BLMH: variants seen among roughly 807,000 people sequenced by gnomAD.
BLMH encodes the protein BLM hydrolase.
BLMH carries 32 observed loss-of-function variants against 61.6 expected under a neutral mutation model. The ratio of observed to expected loss-of-function variants is 0.52; its 90% CI spans 0.39 to 0.70. BLMH has a LOEUF of 0.70. Ranked by LOEUF, BLMH falls within the 30% of genes least tolerant of loss-of-function variation. The probability of loss-of-function intolerance (pLI) is 0.00; values close to 1 mark genes in which losing one functional copy is unlikely to be tolerated. For synonymous variants in BLMH, 183 were observed against 193.8 expected (o/e 0.94, Z 0.46); for missense variants, 460 against 555.5 (o/e 0.83, Z 1.73).
At chr17:30,286,749 T>C (rs1237239967) in intron 5 of BLMH, 65 bp downstream of exon 5, 13 of 1,230,240 alleles carry the variant, frequency 1.1e-5, no homozygotes, top group Admixed American at 1.8e-5. Context: ...CAGGAACCCC[T>C]TTTAAAAAAT....
At chr17:30,250,191 A>G (rs1370037728) in intron 11 of BLMH, 1 of 152,216 alleles carries the variant, frequency 6.6e-6, no homozygotes, top group Non-Finnish European at 1.5e-5. Context: ...ATTCATGACT[A>G]AGACCCCAAA....
At chr17:30,260,602 G>A (rs868386169) in intron 11 of BLMH, among the ~76,000 whole-genome samples, 2 of 152,122 alleles carry the variant, frequency 1.3e-5, no homozygotes, top group African/African-American at 4.8e-5. Context: ...TGAGAGGGCC[G>A]GGCGTGATGG....
At chr17:30,255,742 A>G (rs948153827) in intron 11 of BLMH, among the ~76,000 whole-genome samples, 5 of 152,162 alleles carry the variant, frequency 3.3e-5, no homozygotes, top group Admixed American at 6.5e-5. Flanking sequence ...CTAAAAATAC[A>G]TAAAATTAGC....
chr17:30,272,676 C>G, intron 8 of BLMH, 48 bp from the exon 9 acceptor site: 1 of 1,613,980 alleles, frequency 6.2e-7, no homozygotes, highest in South Asian at 1.1e-5. Flanking sequence ...CCCCATCTTC[C>G]TATTATACCA....
At chr17:30,273,134 T>C (rs1908322730) in intron 7 of BLMH, 2 of 481,294 alleles carry the variant, frequency 4.2e-6, no homozygotes, top group Admixed American at 3.7e-5. Context: ...TCTACCTGTT[T>C]TTCCTACTAG....
intron 11 of BLMH, among the ~76,000 whole-genome samples, chr17:30,263,470 T>C (rs1354337947): frequency 2.6e-5 from 4 of 152,206 alleles, no homozygotes; most frequent in East Asian, 3.8e-4. Flanking sequence ...ACAAAATGGA[T>C]AGTCAAGTAT....
intron 10 of BLMH, among the ~76,000 whole-genome samples, chr17:30,269,526 A>T (rs1353146699): frequency 1.3e-5 from 2 of 152,122 alleles, no homozygotes; most frequent in Non-Finnish European, 2.9e-5. Flanking sequence ...TTATAATTCA[A>T]ATGTGAGAAT....
intron 6 of BLMH, among the ~76,000 whole-genome samples, chr17:30,275,871 A>G (rs1374624599): frequency 6.6e-6 from 1 of 152,166 alleles, no homozygotes; most frequent in Non-Finnish European, 1.5e-5. Flanking sequence ...TACCTGCATT[A>G]TTTATACTAC....
chr17:30,288,958 C>T (rs192406105), intron 3 of BLMH, among the ~76,000 whole-genome samples: 2 of 152,068 alleles, frequency 1.3e-5, no homozygotes, highest in South Asian at 2.1e-4. Context: ...CAGGGTGAGA[C>T]TGTCTCAAAA....
chr17:30,289,614 G>A, intron 2 of BLMH, 132 bp from the exon 3 acceptor site: 1 of 492,782 alleles, frequency 2.0e-6, no homozygotes, highest in Non-Finnish European at 3.4e-6. Context: ...AGAGCAGAAA[G>A]ATTAAAAACA....
chr17:30,275,039 TAAAAAAA>T (rs539113684), intron 6 of BLMH, among the ~76,000 whole-genome samples: 3 of 125,450 alleles, frequency 2.4e-5, no homozygotes, highest in African/African-American at 5.9e-5. Context: ...AGTCATGGTT[TAAAAAAA>T]AAAAAAAAAA....
At chr17:30,255,923 C>T (rs935583444) in intron 11 of BLMH, among the ~76,000 whole-genome samples, 6 of 152,184 alleles carry the variant, frequency 3.9e-5, no homozygotes, top group Non-Finnish European at 8.8e-5. Context: ...GACAAGCTCT[C>T]ACTCTGTTAC....
chr17:30,261,181 T>C (rs114288460), intron 11 of BLMH, among the ~76,000 whole-genome samples: 1,733 of 152,268 alleles, frequency 0.011, 28 homozygotes, highest in African/African-American at 0.04. Context: ...AAGTAATACA[T>C]AGGGAATTTT....
intron 6 of BLMH, among the ~76,000 whole-genome samples, chr17:30,283,420 C>T (rs1908643890): frequency 6.6e-6 from 1 of 151,814 alleles, no homozygotes; most frequent in Non-Finnish European, 1.5e-5. Flanking sequence ...TTAAAGCAAA[C>T]ATCAAAAGCC....
chr17:30,258,363 A>G (rs2143020170), intron 11 of BLMH, among the ~76,000 whole-genome samples: 1 of 152,282 alleles, frequency 6.6e-6, no homozygotes, highest in East Asian at 1.9e-4. Context: ...ACACATTTAC[A>G]TTAATAAACC....
At chr17:30,272,176 A>G (rs60061654) in intron 9 of BLMH, 16,558 of 225,714 alleles carry the variant, frequency 0.073, 986 homozygotes, top group African/African-American at 0.17. Context: ...ACTTGTCACA[A>G]TGACAAAATA....
intron 3 of BLMH, among the ~76,000 whole-genome samples, 183 bp downstream of exon 3, chr17:30,289,190 C>T (rs1173107495): frequency 6.6e-6 from 1 of 151,954 alleles, no homozygotes; most frequent in Non-Finnish European, 1.5e-5. Flanking sequence ...AAATGGCCAC[C>T]TACCAACCAA....
intron 6 of BLMH, among the ~76,000 whole-genome samples, chr17:30,284,126 A>G (rs1597666944): frequency 6.6e-6 from 1 of 152,344 alleles, no homozygotes; most frequent in Admixed American, 6.5e-5. Context: ...TTTTCCTACT[A>G]TACTAAGATG....
At chr17:30,281,931 G>A (rs987372503) in intron 6 of BLMH, among the ~76,000 whole-genome samples, 3 of 152,202 alleles carry the variant, frequency 2.0e-5, no homozygotes, top group Non-Finnish European at 4.4e-5. Context: ...TCTGGGACAA[G>A]TTAGGCCTAT....
Sources: allele counts gnomAD v4.1 joint callset (sites outside exome capture counted in the v4.1 genomes callset), GRCh38; gene constraint gnomAD v4.1.1; transcripts MANE v1.5; gene names NCBI Gene and HGNC (gene_info 2026-07-23, HGNC 2026-07-21).